The following ATXN7 variants were observed in gnomAD, a reference collection of about 807,000 sequenced individuals.
ATXN7 encodes ataxin 7, also known as ataxin-7.
A neutral mutation model predicts 70.5 loss-of-function variants in ATXN7; 12 were observed. The ratio of observed to expected loss-of-function variants is 0.17; its 90% CI spans 0.11 to 0.28. The LOEUF (loss-of-function observed/expected upper bound fraction) is 0.28. Among genes scored for constraint, ATXN7 ranks in the 10% least tolerant of loss-of-function variants. The pLI is 1.00. For synonymous variants in ATXN7, 498 were observed against 448.7 expected (o/e 1.11, Z -1.39); for missense variants, 1,256 against 1,131.7 (o/e 1.11, Z -1.58).
chr3:63,951,797 A>G lies in ATXN7; in HGVS notation c.395-582A>G, dbSNP rs572047076. 3.9e-5 allele frequency among the ~76,000 whole-genome samples: 6 copies of G among 152,356 alleles called. No individual in the cohort carries two copies. In the South Asian group the frequency reaches 1.2e-3, roughly 32 times the overall value. ...TTTTGGTAACCAAACTGATTAATATATGAAATGCTGTTTGTACTAAAGTTC... is the reference window on the plus strand; with the variant it reads ...TTTTGGTAACCAAACTGATTAATATGTGAAATGCTGTTTGTACTAAAGTTC... On this transcript the variant is annotated intron_variant, in intron 4 of 12. Coordinates refer to ENST00000674280, the MANE Select transcript of ATXN7 (RefSeq NM_001377405.1).
At chr3:63,869,046 C>T (rs536179724) in intron 1 of ATXN7, among the ~76,000 whole-genome samples, 3 of 152,244 alleles carry the variant, frequency 2.0e-5, no homozygotes, top group South Asian at 2.1e-4. Flanking sequence ...GTGTGAGATA[C>T]GTAAATAAAA....
chr3:63,977,642 C>G (rs2075410469), intron 5 of ATXN7, among the ~76,000 whole-genome samples: 1 of 152,008 alleles, frequency 6.6e-6, no homozygotes, highest in Non-Finnish European at 1.5e-5. Context: ...GTAGAGGTGC[C>G]CTGCTTCACT....
intron 6 of ATXN7, chr3:63,980,516 TG>T: frequency 4.4e-6 from 1 of 226,870 alleles, no homozygotes; most frequent in Non-Finnish European, 8.9e-6. Flanking sequence ...CTTCGTGAGG[TG>T]GGGGAGTTTT....
chr3:63,983,783 A>G (rs2106765440), intron 8 of ATXN7, among the ~76,000 whole-genome samples: 1 of 152,268 alleles, frequency 6.6e-6, no homozygotes, highest in East Asian at 1.9e-4. Context: ...GCTTCAGGTC[A>G]TCAGTGAACA....
rs1295413471 is a variant in ATXN7, at chr3:63,999,539, T to A, written c.*72T>A. 6.2e-7 allele frequency: 1 copy of A among 1,601,620 alleles called. No homozygotes were observed. Among genetic ancestry groups the A allele is most frequent in the South Asian group, 1.1e-5 (1 of 88,936 alleles). On this transcript the variant is annotated 3_prime_UTR_variant, in exon 13 of 13. Transcript: ENST00000674280. ...CAAGTTACACCTCCACTCAGCACTC[T>A]GGACTCCACGATGCCTTTGAGTCTG... is the stretch of plus-strand genomic sequence containing the variant.
In ATXN7 at chr3:63,864,127, A is replaced by T. The variant is rs1290074360; in HGVS notation, c.-142A>T. Among the ~76,000 whole-genome samples the T allele has an allele frequency of 6.8e-6, 1 of 147,658 alleles. No individual in the cohort carries two copies. The highest frequency in any genetic ancestry group is 2.1e-4 in the East Asian group (1 of 4,860). Reference sequence around the variant, plus strand: ...CAGCCCCCGCCCGGCCCACGCCCAGAGGCCGCCCCGGAGGCCGCAGCCAGC... The same window carrying T: ...CAGCCCCCGCCCGGCCCACGCCCAGTGGCCGCCCCGGAGGCCGCAGCCAGC... On this transcript the variant is annotated 5_prime_UTR_variant, in exon 1 of 13. Coordinates refer to ENST00000674280, the MANE Select transcript of ATXN7 (RefSeq NM_001377405.1).
chr3:63,884,523 ATGGT>A (rs1474967392), intron 1 of ATXN7, among the ~76,000 whole-genome samples: 2 of 152,196 alleles, frequency 1.3e-5, no homozygotes, highest in Non-Finnish European at 2.9e-5. Flanking sequence ...GTATAAATAA[ATGGT>A]TGGATAAATA....
chr3:63,996,995 G>A (rs1053500836), intron 12 of ATXN7, among the ~76,000 whole-genome samples: 3 of 152,210 alleles, frequency 2.0e-5, no homozygotes, highest in Non-Finnish European at 4.4e-5. Context: ...AGCGGCTCAC[G>A]CCTATAATCC....
chr3:63,902,043 GT>G (rs1703662067), intron 2 of ATXN7: 1 of 152,134 alleles, frequency 6.6e-6, no homozygotes. Context: ...TGATGAAAAT[GT>G]TCTGGAACTA....
intron 11 of ATXN7, among the ~76,000 whole-genome samples, chr3:63,993,960 C>T (rs1367500911): frequency 6.6e-6 from 1 of 152,146 alleles, no homozygotes; most frequent in East Asian, 1.9e-4. Context: ...TCCTAACCAA[C>T]CTCTCAGGTA....
intron 2 of ATXN7, among the ~76,000 whole-genome samples, chr3:63,902,842 T>A (rs1703695752): frequency 6.6e-6 from 1 of 151,962 alleles, no homozygotes; most frequent in Non-Finnish European, 1.5e-5. Context: ...GAGTTTCTTC[T>A]TCAAAAAAAA....
chr3:63,950,164 A>G (rs2074931144), intron 4 of ATXN7, among the ~76,000 whole-genome samples: 1 of 152,240 alleles, frequency 6.6e-6, no homozygotes, highest in African/African-American at 2.4e-5. Flanking sequence ...AAAAGGATCA[A>G]AGGAACCAGG....
chr3:63,945,119 T>C (rs1363119993), intron 4 of ATXN7, among the ~76,000 whole-genome samples: 6 of 152,176 alleles, frequency 3.9e-5, no homozygotes, highest in Non-Finnish European at 7.3e-5. Context: ...GAGCTAACTT[T>C]ATTGAGTGAT....
chr3:63,918,877 T>C (rs1258251939), intron 4 of ATXN7, among the ~76,000 whole-genome samples: 1 of 152,176 alleles, frequency 6.6e-6, no homozygotes, highest in African/African-American at 2.4e-5. Flanking sequence ...AGCAGTCAGG[T>C]GATTTGGTTA....
rs553594560 is a variant in ATXN7 at position 63,912,029 on chromosome 3, G to A, written c.-11-559G>A. On this transcript the variant is annotated intron_variant, in intron 2 of 12. Transcript: ENST00000674280. ...CTTGACGTGCAAACTTCGCCGGAGCGAGCTGAGAGGGAGGGACCGGCAAGT... is the reference window on the plus strand; with the variant it reads ...CTTGACGTGCAAACTTCGCCGGAGCAAGCTGAGAGGGAGGGACCGGCAAGT... The A allele has an allele frequency of 5.2e-5, 8 of 152,408 alleles. No homozygotes were observed. In the East Asian group the frequency reaches 1.5e-3, roughly 29 times the overall value. 9.4% of individuals were successfully genotyped at this position (152,408 alleles called of 1,614,324 possible). A position where few individuals can be genotyped will look rare whatever the true frequency, so the allele number is the denominator to read the frequency against.
At chr3:63,912,948 C>G (rs752472931) in intron 3 of ATXN7, 25 bp downstream of exon 3, 11 of 1,593,872 alleles carry the variant, frequency 6.9e-6, no homozygotes, top group Non-Finnish European at 9.4e-6. Context: ...CCTCCTCCCC[C>G]CTTCACCCCC....
rs149437572 is a variant in ATXN7, at chr3:63,985,492, C to G, written c.1095+2471C>G. Among the ~76,000 whole-genome samples, 349 of 152,286 alleles carry G rather than the reference C, an allele frequency of 2.3e-3. 3 individuals carry two copies. The highest frequency in any genetic ancestry group is 7.1e-3 in the African/African-American group (294 of 41,566). On this transcript the variant is annotated intron_variant, in intron 8 of 12. Transcript: ENST00000674280. Reference sequence around the variant, plus strand: ...TGTTTTGTCAGTTCTTTTCCTTTTCCTTGCCTTCACGTTGGTCTGAATCTA... The same window carrying G: ...TGTTTTGTCAGTTCTTTTCCTTTTCGTTGCCTTCACGTTGGTCTGAATCTA...
intron 1 of ATXN7, among the ~76,000 whole-genome samples, chr3:63,896,512 C>A (rs72878785): frequency 5.9e-5 from 9 of 152,172 alleles, no homozygotes; most frequent in Admixed American, 2.6e-4. Flanking sequence ...TACAGTTTCA[C>A]ACCACTTGTT....
chr3:63,897,007 A>C (rs1044902985), intron 1 of ATXN7, among the ~76,000 whole-genome samples: 1 of 152,302 alleles, frequency 6.6e-6, no homozygotes. Flanking sequence ...CCTTCTGTCT[A>C]CTCTGAAGGA....
Sources: gnomAD v4.1 joint callset for allele counts (sites outside exome capture counted in the v4.1 genomes callset) on GRCh38, gnomAD v4.1.1 for gene constraint, MANE v1.5 for transcripts, NCBI Gene and HGNC (gene_info 2026-07-23, HGNC 2026-07-21) for gene names.